Variants in SMAD2 observed in about 807,000 individuals in gnomAD.
SMAD2 encodes the protein MAD homolog 2.
Under a neutral mutation model 64.4 loss-of-function variants are expected in SMAD2, and 8 were observed. The ratio of observed to expected loss-of-function variants is 0.12; its 90% confidence interval spans 0.07 to 0.22. The LOEUF (loss-of-function observed/expected upper bound fraction) is 0.22, where lower values mean the gene tolerates loss of function less well. Ranked by LOEUF, SMAD2 falls within the 10% of genes least tolerant of loss-of-function variation. The pLI, the probability that SMAD2 is intolerant of heterozygous loss-of-function variation, is 1.00. For synonymous variants in SMAD2, 203 were observed against 195.8 expected, an observed-to-expected ratio of 1.04 and a Z score of -0.31; for missense variants, 289 against 561.2, an observed-to-expected ratio of 0.51 and a Z score of 4.90.
At position 47,818,426 on chromosome 18, in the gene SMAD2, A is replaced by T. The variant is rs748193478; in HGVS notation, c.*23401T>A. ...AAAGAACTAGATAAATACGTATAAA[A>T]ATTAGGCTCTCAAACAGGTCAAAAT... On this transcript the variant is annotated 3_prime_UTR_variant, in exon 11 of 11. Coordinates refer to ENST00000262160, the MANE Select transcript of SMAD2 (RefSeq NM_005901.6). 2.0e-5 allele frequency: 3 copies of T among 152,354 alleles called. No homozygotes were observed. Among genetic ancestry groups the T allele is most frequent in the Middle Eastern group, 3.4e-3 (1 of 294 alleles). 9.4% of individuals were successfully genotyped at this position (152,354 alleles called of 1,614,324 possible). A position where few individuals can be genotyped will look rare whatever the true frequency, so the allele number is the denominator to read the frequency against.
rs1912835732 is a variant in SMAD2, at chr18:47,828,179, G to C, written c.*13648C>G. On this transcript the variant is annotated 3_prime_UTR_variant, in exon 11 of 11. Coordinates refer to ENST00000262160, the MANE Select transcript of SMAD2 (RefSeq NM_005901.6). ...CTCCGCCCAGCAACCACCCCGTCCG[G>C]GAAGTAAGGAGCGTCTCCGCCCAGC... 6.4e-6 allele frequency: 1 copy of C among 157,460 alleles called. No individual in the cohort carries two copies. The highest frequency in any genetic ancestry group is 6.5e-5 in the Admixed American group (1 of 15,302). The allele number at this position is 157,460 out of a possible 1,614,324, so 9.8% of individuals were successfully genotyped here. A position where few individuals can be genotyped will look rare whatever the true frequency, so the allele number is the denominator to read the frequency against.
chr18:47,901,982 C>T (rs565990863), intron 1 of SMAD2, among the ~76,000 whole-genome samples: 6 of 152,152 alleles, frequency 3.9e-5, no homozygotes, highest in Non-Finnish European at 8.8e-5. Context: ...GTTCTCAAGT[C>T]GCTTCCCCTA....
At chr18:47,898,575 G>A (rs544714751) in intron 1 of SMAD2, among the ~76,000 whole-genome samples, 4 of 152,156 alleles carry the variant, frequency 2.6e-5, no homozygotes, top group Non-Finnish European at 5.9e-5. Context: ...TATATGCTAA[G>A]ATTCATTTCC....
At chr18:47,868,806 C>G (rs2031749357) in intron 4 of SMAD2, among the ~76,000 whole-genome samples, 1 of 152,102 alleles carries the variant, frequency 6.6e-6, no homozygotes, top group South Asian at 2.1e-4. Flanking sequence ...GCAGCTACTG[C>G]TATATTTTTT....
rs539005897 is a variant in SMAD2 at position 47,828,208 on chromosome 18, C to T, written c.*13619G>A. The T allele has an allele frequency of 5.8e-5, 9 of 156,022 alleles. No individual in the cohort carries two copies. Among genetic ancestry groups the T allele is most frequent in the Non-Finnish European group, 8.4e-5 (6 of 71,242 alleles). 9.7% of individuals were successfully genotyped at this position (156,022 alleles called of 1,614,324 possible). Reference sequence around the variant, plus strand: ...GTAAGGAGCGTCTCCGCCCAGCAGCCGCCCCGTCTGGGAGGGAGGTGGGGG... The same window carrying T: ...GTAAGGAGCGTCTCCGCCCAGCAGCTGCCCCGTCTGGGAGGGAGGTGGGGG... On this transcript the variant is annotated 3_prime_UTR_variant, in exon 11 of 11. Coordinates refer to ENST00000262160, the MANE Select transcript of SMAD2 (RefSeq NM_005901.6).
chr18:47,885,995 G>A (rs957266000), intron 2 of SMAD2, among the ~76,000 whole-genome samples: 2 of 152,192 alleles, frequency 1.3e-5, no homozygotes, highest in Non-Finnish European at 2.9e-5. Context: ...TATGGTGGGG[G>A]ATGTACATAG....
At position 47,841,709 on chromosome 18, in the gene SMAD2, A is replaced by G. The variant is rs1913970431; in HGVS notation, c.*118T>C. ...AAGGTGCTTTAATTGATGAGACCTC[A>G]AGTGCTGTTTTCTCTCTTGAACTTT... On this transcript the variant is annotated 3_prime_UTR_variant, in exon 11 of 11. Transcript: ENST00000262160. The G allele has an allele frequency of 1.8e-6, 2 of 1,121,128 alleles. No individual in the cohort carries two copies. The highest frequency in any genetic ancestry group is 3.1e-5 in the African/African-American group (2 of 65,308). 69.4% of individuals were successfully genotyped at this position (1,121,128 alleles called of 1,614,324 possible).
In SMAD2 at chr18:47,823,175, C is replaced by T. The variant is rs1026104741; in HGVS notation, c.*18652G>A. 2.0e-5 allele frequency: 3 copies of T among 152,166 alleles called. No individual in the cohort carries two copies. The highest frequency in any genetic ancestry group is 7.2e-5 in the African/African-American group (3 of 41,442). 9.4% of individuals were successfully genotyped at this position (152,166 alleles called of 1,614,324 possible). Reference sequence around the variant, plus strand: ...AGCATTACACTGAATTAAAAATTATCATTTCCTGGCAGGCCCAGGAACCTT... The same window carrying T: ...AGCATTACACTGAATTAAAAATTATTATTTCCTGGCAGGCCCAGGAACCTT... On this transcript the variant is annotated 3_prime_UTR_variant, in exon 11 of 11. Transcript: ENST00000262160.
chr18:47,845,900 T>C (rs2144291833), intron 8 of SMAD2, 100 bp from the exon 9 acceptor site: 1 of 1,046,878 alleles, frequency 9.6e-7, no homozygotes, highest in South Asian at 1.3e-5. Context: ...ATATAAGGTA[T>C]TTCCAGGATC....
rs2144299178 is a variant in SMAD2 at position 47,848,459 on chromosome 18, G to A, written c.997+16C>T. ...ATACAGCATTTATTTTTCACAACAA[G>A]GAAAATAAAACATACCTATATGCCT... On this transcript the variant is annotated intron_variant, in intron 8 of 10. Transcript: ENST00000262160. The A allele has an allele frequency of 6.3e-7, 1 of 1,578,390 alleles. No individual in the cohort carries two copies. The highest frequency in any genetic ancestry group is 1.7e-5 in the Admixed American group (1 of 59,968).
intron 1 of SMAD2, among the ~76,000 whole-genome samples, chr18:47,914,536 T>C (rs1294533685): frequency 6.6e-6 from 1 of 152,154 alleles, no homozygotes; most frequent in Non-Finnish European, 1.5e-5. Flanking sequence ...TCATATTAAG[T>C]TTCTAAAAGA....
chr18:47,912,263 A>G (rs2034166510), intron 1 of SMAD2: 1 of 152,216 alleles, frequency 6.6e-6, no homozygotes, highest in Non-Finnish European at 1.5e-5. Context: ...ATTACTGCTA[A>G]TGATAGGAGT....
rs59275200 is a variant in SMAD2 at position 47,813,732 on chromosome 18, T to TTTTTTTTTTTTTTTTTTTG, written c.*28094_*28095insCAAAAAAAAAAAAAAAAAA. ...CACAATTTTTTTTTTTTTTTTTTTT[T>TTTTTTTTTTTTTTTTTTTG]GGAGAGATGGGATCTTGCTATGTTG... On this transcript the variant is annotated 3_prime_UTR_variant, in exon 11 of 11. Transcript: ENST00000262160. The TTTTTTTTTTTTTTTTTTTG allele has an allele frequency of 8.2e-6, 1 of 121,266 alleles. No homozygotes were observed. 7.5% of individuals were successfully genotyped at this position (121,266 alleles called of 1,614,324 possible). A position where few individuals can be genotyped will look rare whatever the true frequency, so the allele number is the denominator to read the frequency against.
At chr18:47,913,043 C>T (rs572083950) in intron 1 of SMAD2, among the ~76,000 whole-genome samples, 3 of 152,032 alleles carry the variant, frequency 2.0e-5, no homozygotes, top group South Asian at 4.2e-4. Flanking sequence ...CCTCAGCCTC[C>T]GGAGTAGCTG....
intron 1 of SMAD2, among the ~76,000 whole-genome samples, chr18:47,919,864 G>A (rs1407540386): frequency 1.3e-5 from 2 of 152,244 alleles, no homozygotes; most frequent in African/African-American, 4.8e-5. Flanking sequence ...TGCCTAAGTG[G>A]AATTCTTATG....
intron 2 of SMAD2, among the ~76,000 whole-genome samples, chr18:47,873,459 T>A (rs1213182674): frequency 6.6e-6 from 1 of 152,192 alleles, no homozygotes; most frequent in East Asian, 1.9e-4. Flanking sequence ...GTCCAAATAC[T>A]GTAATAAGCC....
chr18:47,911,174 A>G lies in SMAD2; in HGVS notation c.-53-14365T>C, dbSNP rs566418124. On this transcript the variant is annotated intron_variant, in intron 1 of 10. Transcript: ENST00000262160. ...AGAACTAGCCTGACCAACATGGTGA[A>G]ACCCCATGTCTACTAAAAATACAAA... Among the ~76,000 whole-genome samples, 112 of 152,086 alleles carry G rather than the reference A, an allele frequency of 7.4e-4. 5 individuals carry two copies. In the South Asian group the frequency reaches 0.023, roughly 31 times the overall value.
intron 6 of SMAD2, among the ~76,000 whole-genome samples, chr18:47,862,847 AT>A (rs1427996476): frequency 6.6e-6 from 1 of 152,222 alleles, no homozygotes; most frequent in African/African-American, 2.4e-5. Context: ...AAATATGTTC[AT>A]AAAAATCATG....
intron 2 of SMAD2, among the ~76,000 whole-genome samples, chr18:47,889,577 C>G (rs182048434): frequency 3.0e-4 from 46 of 152,208 alleles, no homozygotes; most frequent in Non-Finnish European, 6.2e-4. Flanking sequence ...CGAGACCATC[C>G]TGGCTAACAC....
Sources: gnomAD v4.1 joint callset for allele counts (sites outside exome capture counted in the v4.1 genomes callset) on GRCh38, gnomAD v4.1.1 for gene constraint, MANE v1.5 for transcripts, NCBI Gene and HGNC (gene_info 2026-07-23, HGNC 2026-07-21) for gene names.